The following RBFOX3 variants were observed in gnomAD, a reference collection of about 807,000 sequenced individuals.
RBFOX3 encodes RNA binding protein fox-1 homolog 3.
A neutral mutation model predicts 48.7 loss-of-function variants in RBFOX3; 17 were observed. The ratio of observed to expected loss-of-function variants is 0.35; its 90% CI spans 0.24 to 0.52. RBFOX3 has a LOEUF of 0.52. Among genes scored for constraint, RBFOX3 ranks in the 20% least tolerant of loss-of-function variants. RBFOX3 has a pLI of 0.94. For synonymous variants in RBFOX3, 212 were observed against 209.5 expected (o/e 1.01, Z -0.10); for missense variants, 382 against 497.5 (o/e 0.77, Z 2.21).
At chr17:79,605,425 G>T (rs1241195162) in intron 1 of RBFOX3, among the ~76,000 whole-genome samples, 1 of 152,062 alleles carries the variant, frequency 6.6e-6, no homozygotes, top group Non-Finnish European at 1.5e-5. Context: ...CACCTTCCTC[G>T]CCAGCTGGCT....
At chr17:79,221,286 C>T (rs543464580) in intron 4 of RBFOX3, among the ~76,000 whole-genome samples, 1 of 152,364 alleles carries the variant, frequency 6.6e-6, no homozygotes, top group African/African-American at 2.4e-5. Flanking sequence ...CGGGCGGTTG[C>T]CTGCTCTTTG....
At chr17:79,527,124 T>C (rs2150046342) in intron 1 of RBFOX3, among the ~76,000 whole-genome samples, 1 of 152,354 alleles carries the variant, frequency 6.6e-6, no homozygotes, top group East Asian at 1.9e-4. Flanking sequence ...TACTCGTGCC[T>C]CTAGGCACAG....
intron 4 of RBFOX3, among the ~76,000 whole-genome samples, chr17:79,228,372 G>A (rs924709974): frequency 2.0e-5 from 3 of 152,080 alleles, no homozygotes; most frequent in Non-Finnish European, 4.4e-5. Flanking sequence ...CTGCCCAAGC[G>A]GAACACGCCC....
chr17:79,119,290 G>C (rs2035048545), intron 4 of RBFOX3, among the ~76,000 whole-genome samples: 1 of 152,230 alleles, frequency 6.6e-6, no homozygotes, highest in South Asian at 2.1e-4. Flanking sequence ...GGACATTTGT[G>C]ACACTAGAAT....
chr17:79,652,743 A>G, the RBFOX3 span, among the ~76,000 whole-genome samples: 1 of 151,906 alleles, frequency 6.6e-6, no homozygotes, highest in Non-Finnish European at 1.5e-5. Context: ...CAGGAGTTCC[A>G]GCATTTGATA....
intron 2 of RBFOX3, among the ~76,000 whole-genome samples, chr17:79,318,021 T>C (rs2077782212): frequency 6.6e-6 from 1 of 152,166 alleles, no homozygotes; most frequent in Admixed American, 6.5e-5. Flanking sequence ...AAAAACTGTC[T>C]GTGGATTGGG....
chr17:79,096,776 G>T lies in RBFOX3; in HGVS notation c.813C>A (p.Cys271Ter). The T allele has an allele frequency of 7.9e-7, 1 of 1,268,074 alleles. No homozygotes were observed. The allele number at this position is 1,268,074 out of a possible 1,614,324, so 78.6% of individuals were successfully genotyped here. A position where few individuals can be genotyped will look rare whatever the true frequency, so the allele number is the denominator to read the frequency against. Residue 271 changes from cysteine to a stop codon, truncating the protein, a stop_gained, in exon 12 of 15, where the codon TGC (cysteine) becomes TGA (stop). Transcript: ENST00000693108. LOFTEE classifies it high-confidence loss of function. ...MPVPWAGLAP[C>*]PLPPQQTPEP... is the part of the protein sequence containing the mutation. ...CCGGTGTCTGCTGAGGAGGGAGGGGGCACGGTGCCAGCCCCGCCCATGGGA... is the reference window on the plus strand; with the variant it reads ...CCGGTGTCTGCTGAGGAGGGAGGGGTCACGGTGCCAGCCCCGCCCATGGGA...
rs1215752785 is a variant in RBFOX3, at chr17:79,302,642, A to C, written c.-74+5082T>G. ...ATTGCACTCCAGCCTGGGCAACAAG[A>C]GCAAAACTCTGTCTCAAAAGAAAAG... is the stretch of plus-strand genomic sequence containing the variant. On this transcript the variant is annotated intron_variant, in intron 3 of 14. Coordinates refer to ENST00000693108, the MANE Select transcript of RBFOX3 (RefSeq NM_001350451.2). 2.0e-5 allele frequency among the ~76,000 whole-genome samples: 3 copies of C among 152,176 alleles called. No individual in the cohort carries two copies. In the East Asian group the frequency reaches 5.8e-4, roughly 29 times the overall value.
intron 4 of RBFOX3, among the ~76,000 whole-genome samples, chr17:79,131,447 C>T (rs937192750): frequency 1.3e-5 from 2 of 152,216 alleles, no homozygotes; most frequent in Admixed American, 6.5e-5. Context: ...GCAAACCCCA[C>T]GGCGTGAGCC....
At chr17:79,512,596 A>G (rs1477505279) in intron 1 of RBFOX3, among the ~76,000 whole-genome samples, 34 of 132,204 alleles carry the variant, frequency 2.6e-4, no homozygotes, top group South Asian at 5.0e-4. Flanking sequence ...CATCGGGTAC[A>G]GCCCCATGGC....
chr17:79,611,169 T>TCGCTCTCTCTCTCTCG (rs1359138866), upstream of RBFOX3, among the ~76,000 whole-genome samples: 1 of 25,908 alleles, frequency 3.9e-5, no homozygotes, highest in Non-Finnish European at 8.1e-5. Context: ...TCTCTCTCTC[T>TCGCTCTCTCTCTCTCG]CTCTCCGCCC....
chr17:79,621,836 C>A, the RBFOX3 span, among the ~76,000 whole-genome samples: 45 of 151,942 alleles, frequency 3.0e-4, no homozygotes, highest in Admixed American at 1.4e-3. Context: ...GCAGCAGCTG[C>A]TGGTGGCTGC....
At chr17:79,533,305 C>A (rs1010576362) in intron 1 of RBFOX3, among the ~76,000 whole-genome samples, 36 of 152,300 alleles carry the variant, frequency 2.4e-4, no homozygotes, top group African/African-American at 8.2e-4. Flanking sequence ...GTCCAGGCAT[C>A]GAAAATCCTC....
In RBFOX3 at chr17:79,427,872, G is replaced by A. The variant is rs557504378; in HGVS notation, c.-175+54582C>T. Reference sequence around the variant, plus strand: ...TGCACACATGAACACGTGTACACACGTCCCTGAGGATGCTTTGTCTCCCAG... The same window carrying A: ...TGCACACATGAACACGTGTACACACATCCCTGAGGATGCTTTGTCTCCCAG... On this transcript the variant is annotated intron_variant, in intron 2 of 14. Coordinates refer to ENST00000693108, the MANE Select transcript of RBFOX3 (RefSeq NM_001350451.2). 1.4e-4 allele frequency among the ~76,000 whole-genome samples: 21 copies of A among 152,342 alleles called. No homozygotes were observed. In the South Asian group the frequency reaches 2.3e-3, roughly 17 times the overall value.
chr17:79,097,620 C>T (rs2075616694), intron 10 of RBFOX3, 72 bp downstream of exon 10: 1 of 1,375,310 alleles, frequency 7.3e-7, no homozygotes, highest in Non-Finnish European at 1.0e-6. Context: ...ATGCCCCGCC[C>T]CCAGAGCCCC....
chr17:79,240,510 T>C (rs1038426694), intron 3 of RBFOX3, among the ~76,000 whole-genome samples: 1 of 152,230 alleles, frequency 6.6e-6, no homozygotes, highest in Non-Finnish European at 1.5e-5. Flanking sequence ...CCATCATGTC[T>C]CTTATTTATT....
intron 4 of RBFOX3, among the ~76,000 whole-genome samples, chr17:79,126,916 T>C (rs1366848504): frequency 1.3e-5 from 2 of 152,198 alleles, no homozygotes; most frequent in Non-Finnish European, 2.9e-5. Flanking sequence ...GCACCGGGCT[T>C]TGCAGGCATC....
chr17:79,441,912 C>T (rs1274816545), intron 2 of RBFOX3, among the ~76,000 whole-genome samples: 3 of 151,958 alleles, frequency 2.0e-5, no homozygotes, highest in South Asian at 2.1e-4. Flanking sequence ...AACAGATGGC[C>T]GTAGAGAAAG....
chr17:79,117,919 C>T (rs900304356), intron 4 of RBFOX3, among the ~76,000 whole-genome samples: 4 of 152,196 alleles, frequency 2.6e-5, no homozygotes, highest in Non-Finnish European at 5.9e-5. Flanking sequence ...CCTGGCTGCA[C>T]CAGGGAGGTG....
Sources: allele counts gnomAD v4.1 joint callset (sites outside exome capture counted in the v4.1 genomes callset), GRCh38; gene constraint gnomAD v4.1.1; transcripts MANE v1.5; gene names NCBI Gene and HGNC (gene_info 2026-07-23, HGNC 2026-07-21).